CNTN6: variants seen among roughly 807,000 people sequenced by gnomAD.
CNTN6 encodes the protein contactin-6.
CNTN6 carries 137 observed loss-of-function variants against 122.8 expected under a neutral mutation model. The ratio of observed to expected loss-of-function variants is 1.12; its 90% CI spans 0.97 to 1.29. The LOEUF (loss-of-function observed/expected upper bound fraction) is 1.29. CNTN6 is among the 50% of genes most tolerant of loss of function. The probability of loss-of-function intolerance (pLI) is 0.00; values close to 1 mark genes in which losing one functional copy is unlikely to be tolerated. For synonymous variants in CNTN6, 570 were observed against 426.0 expected (o/e 1.34, Z -4.16); for missense variants, 1,634 against 1,223.4 (o/e 1.34, Z -5.01).
intron 17 of CNTN6, among the ~76,000 whole-genome samples, chr3:1,382,486 A>G (rs1209753305): frequency 3.3e-5 from 5 of 152,212 alleles, no homozygotes; most frequent in African/African-American, 1.2e-4. Context: ...GTCTTAAAGC[A>G]TATGTTATTT....
intron 2 of CNTN6, among the ~76,000 whole-genome samples, chr3:1,200,608 T>C (rs986375531): frequency 6.6e-6 from 1 of 152,174 alleles, no homozygotes; most frequent in East Asian, 1.9e-4. Context: ...TGGGCTCTCT[T>C]TTTTAAGCTC....
chr3:1,116,591 C>G (rs1004563118), intron 1 of CNTN6, among the ~76,000 whole-genome samples: 4 of 151,580 alleles, frequency 2.6e-5, no homozygotes, highest in African/African-American at 7.3e-5. Flanking sequence ...GAAAGAAAAC[C>G]TGATATAGAA....
chr3:1,181,414 A>T (rs1485452980), intron 2 of CNTN6, among the ~76,000 whole-genome samples: 2 of 152,210 alleles, frequency 1.3e-5, no homozygotes, highest in Non-Finnish European at 2.9e-5. Context: ...CAAGCTGCTT[A>T]TTATTCCAAA....
intron 7 of CNTN6, among the ~76,000 whole-genome samples, chr3:1,310,028 T>C (rs1698985810): frequency 6.6e-6 from 1 of 152,182 alleles, no homozygotes; most frequent in South Asian, 2.1e-4. Context: ...CTGGAGTTAT[T>C]TTTTGTTAAT....
intron 12 of CNTN6, among the ~76,000 whole-genome samples, chr3:1,364,191 G>GA (rs1707882746): frequency 2.0e-5 from 3 of 151,778 alleles, no homozygotes; most frequent in Admixed American, 2.0e-4. Context: ...GAATTCATTA[G>GA]AAAAAAGACC....
At chr3:1,127,745 C>A (rs1239945036) in intron 1 of CNTN6, among the ~76,000 whole-genome samples, 1 of 151,858 alleles carries the variant, frequency 6.6e-6, no homozygotes, top group Non-Finnish European at 1.5e-5. Context: ...AAAATACAAT[C>A]TAAATATAGC....
At chr3:1,235,329 C>T (rs965197899) in intron 4 of CNTN6, among the ~76,000 whole-genome samples, 7 of 151,988 alleles carry the variant, frequency 4.6e-5, no homozygotes, top group African/African-American at 1.7e-4. Flanking sequence ...CAAACTGTTT[C>T]AAGGAATTTA....
intron 11 of CNTN6, among the ~76,000 whole-genome samples, chr3:1,332,215 G>A (rs1036748426): frequency 3.3e-5 from 5 of 151,974 alleles, no homozygotes; most frequent in South Asian, 2.1e-4. Flanking sequence ...ATCTCCACCC[G>A]GTAGAGATTA....
At chr3:1,318,317 ATT>A (rs11328430) in intron 7 of CNTN6, among the ~76,000 whole-genome samples, 1,702 of 148,960 alleles carry the variant, frequency 0.011, 33 homozygotes, top group African/African-American at 0.04. Context: ...TCTACTACTA[ATT>A]TTTTTTTTTG....
At position 1,245,240 on chromosome 3, in the gene CNTN6, AC is replaced by A. The variant is rs1465400619; in HGVS notation, c.358+17248del. 9.2e-3 allele frequency among the ~76,000 whole-genome samples: 112 copies of A among 12,156 alleles called. 12 individuals carry two copies. The highest frequency in any genetic ancestry group is 0.034 in the African/African-American group (58 of 1,698). The allele number at this position is 12,156 out of a possible 152,430, so 8.0% of individuals were successfully genotyped here. ...TATATATATATATATATATATACAC[AC>A]ACACATATATATATAACATATATAT... On this transcript the variant is annotated intron_variant, in intron 4 of 22. Coordinates refer to ENST00000446702, the MANE Select transcript of CNTN6 (RefSeq NM_001289080.2).
intron 2 of CNTN6, among the ~76,000 whole-genome samples, chr3:1,196,394 G>C (rs548808029): frequency 1.1e-4 from 16 of 152,288 alleles, no homozygotes; most frequent in Non-Finnish European, 1.8e-4. Flanking sequence ...TAACTGCTCT[G>C]ATAAAAAGTG....
Position 1,321,702 on chromosome 3 carries a change from A to G in CNTN6, c.814A>G (p.Lys272Glu). 6.2e-7 allele frequency: 1 copy of G among 1,611,738 alleles called. No individual in the cohort carries two copies. Among genetic ancestry groups the G allele is most frequent in the South Asian group, 1.1e-5 (1 of 91,000 alleles). ...RRLDGSPLPG[K>E]VKYSKSQAIL... is the part of the protein sequence containing the mutation. The stretch of plus-strand genomic sequence containing the variant: ...GTTGGACGGGAGCCCGTTGCCAGGG[A>G]AAGTCAAGTACAGCAAATCCCAAGC... Residue 272 changes from lysine to glutamate, a missense_variant, in exon 8 of 23, where the codon AAA becomes GAA. Coordinates refer to ENST00000446702, the MANE Select transcript of CNTN6 (RefSeq NM_001289080.2).
chr3:1,373,630 C>T lies in CNTN6; in HGVS notation c.1813C>T (p.Gln605Ter). The T allele has an allele frequency of 3.1e-6, 5 of 1,612,166 alleles. No individual in the cohort carries two copies. The highest frequency in any genetic ancestry group is 4.2e-6 in the Non-Finnish European group (5 of 1,178,956). Residue 605 changes from glutamine to a stop codon, truncating the protein, a stop_gained, in exon 15 of 23, where the codon CAA (glutamine) becomes TAA (stop). Coordinates refer to ENST00000446702, the MANE Select transcript of CNTN6 (RefSeq NM_001289080.2). LOFTEE classifies it high-confidence loss of function. ...TCCACCAGGTCCTCCTGAGGATGTG[C>T]AAGTGGAAGACATTTCCAGTACTAC... ...RGPPGPPEDV[Q>*]VEDISSTTSQ...
At chr3:1,262,112 C>A (rs1033415518) in intron 4 of CNTN6, among the ~76,000 whole-genome samples, 2 of 152,126 alleles carry the variant, frequency 1.3e-5, no homozygotes, top group African/African-American at 4.8e-5. Context: ...TATAAATAAG[C>A]AGTCCTCAGT....
intron 4 of CNTN6, among the ~76,000 whole-genome samples, chr3:1,251,551 C>A (rs2094669834): frequency 6.6e-6 from 1 of 152,134 alleles, no homozygotes; most frequent in African/African-American, 2.4e-5. Context: ...GAAATCTAAG[C>A]CATGATGAAA....
At chr3:1,190,925 CCTTTT>C (rs2093693085) in intron 2 of CNTN6, among the ~76,000 whole-genome samples, 1 of 152,064 alleles carries the variant, frequency 6.6e-6, no homozygotes, top group Admixed American at 6.6e-5. Flanking sequence ...TTCTTGTCTT[CCTTTT>C]ATTATTCTTT....
chr3:1,151,304 T>G (rs1857700), intron 2 of CNTN6, among the ~76,000 whole-genome samples: 36,788 of 152,012 alleles, frequency 0.24, 7,688 homozygotes, highest in African/African-American at 0.56. Flanking sequence ...TAATGTTGTT[T>G]GTTCTATTTA....
intron 2 of CNTN6, among the ~76,000 whole-genome samples, chr3:1,168,270 A>C (rs1307723185): frequency 6.6e-6 from 1 of 151,578 alleles, no homozygotes; most frequent in African/African-American, 2.4e-5. Context: ...TTCAGAAAAA[A>C]ATATGAATGA....
intron 2 of CNTN6, among the ~76,000 whole-genome samples, chr3:1,165,959 C>T (rs183539354): frequency 5.9e-5 from 9 of 152,312 alleles, no homozygotes; most frequent in Admixed American, 4.6e-4. Context: ...ATCAGTAAGT[C>T]TTCCATCATC....
Sources: gnomAD v4.1 joint callset for allele counts (sites outside exome capture counted in the v4.1 genomes callset) on GRCh38, gnomAD v4.1.1 for gene constraint, MANE v1.5 for transcripts, NCBI Gene and HGNC (gene_info 2026-07-23, HGNC 2026-07-21) for gene names.